R3HDM2: variants seen among roughly 807,000 people sequenced by gnomAD.
R3HDM2 encodes R3H domain-containing protein 2.
R3HDM2 carries 38 observed loss-of-function variants against 124.5 expected under a neutral mutation model. That is an observed-to-expected ratio of 0.31 (90% CI 0.24 to 0.40). R3HDM2 has a LOEUF of 0.40. R3HDM2 is among the 10% of genes least tolerant of loss of function. R3HDM2 has a pLI of 1.00. For synonymous variants in R3HDM2, 391 were observed against 448.0 expected (o/e 0.87, Z 1.61); for missense variants, 869 against 1,236.9 (o/e 0.70, Z 4.46).
intron 14 of R3HDM2, among the ~76,000 whole-genome samples, chr12:57,277,947 G>A (rs1053223847): frequency 1.3e-5 from 2 of 152,034 alleles, no homozygotes; most frequent in East Asian, 3.8e-4. Flanking sequence ...AAGAAAGAAA[G>A]AAAATGGCAG....
At chr12:57,390,680 G>A (rs2066531358) in intron 2 of R3HDM2, among the ~76,000 whole-genome samples, 1 of 151,862 alleles carries the variant, frequency 6.6e-6, no homozygotes, top group Admixed American at 6.6e-5. Context: ...CTTGATGACA[G>A]AGTGAAATCC....
intron 13 of R3HDM2, among the ~76,000 whole-genome samples, chr12:57,283,545 C>T (rs1397239372): frequency 3.3e-5 from 5 of 152,096 alleles, no homozygotes; most frequent in East Asian, 1.9e-4. Context: ...TTGAGACCAG[C>T]CTGACCAACA....
In R3HDM2 at chr12:57,254,455, C is replaced by A. The variant is rs932708301; in HGVS notation, c.*318G>T. On this transcript the variant is annotated 3_prime_UTR_variant, in exon 24 of 24. Transcript: ENST00000402412. Reference sequence around the variant, plus strand: ...GCTGGAGGTTGCAGTTAGCCAAGATCGTGCTACTGCACTCCAGCTGGGGTG... The same window carrying A: ...GCTGGAGGTTGCAGTTAGCCAAGATAGTGCTACTGCACTCCAGCTGGGGTG... 2 of 310,294 alleles carry A rather than the reference C, an allele frequency of 6.4e-6. No homozygotes were observed. Among genetic ancestry groups the A allele is most frequent in the African/African-American group, 5.1e-5 (2 of 39,550 alleles). The allele number at this position is 310,294 out of a possible 1,614,324, so 19.2% of individuals were successfully genotyped here.
chr12:57,266,907 C>A, intron 18 of R3HDM2, 76 bp from the exon 19 acceptor site: 1 of 1,078,554 alleles, frequency 9.3e-7, no homozygotes, highest in Non-Finnish European at 1.3e-6. Context: ...GCTGCTGCTT[C>A]CTGGTCCTCC....
At chr12:57,348,706 A>AAAAAAAAAAAAAAG (rs2060312712) in intron 2 of R3HDM2, among the ~76,000 whole-genome samples, 1 of 45,450 alleles carries the variant, frequency 2.2e-5, no homozygotes. Context: ...AAAAAAAAAA[A>AAAAAAAAAAAAAAG]AAAAAAAAAA....
At chr12:57,368,227 T>C (rs2062885662) in intron 2 of R3HDM2, among the ~76,000 whole-genome samples, 1 of 152,102 alleles carries the variant, frequency 6.6e-6, no homozygotes, top group African/African-American at 2.4e-5. Context: ...AATGTGTATA[T>C]ATATATATTT....
At chr12:57,418,297 A>T (rs552315974) in intron 1 of R3HDM2, 525 of 985,246 alleles carry the variant, frequency 5.3e-4, no homozygotes, top group Non-Finnish European at 5.9e-4. Flanking sequence ...CCTCTCCTCT[A>T]TTCTCATTAC....
chr12:57,370,121 C>T (rs1055545662), intron 2 of R3HDM2, among the ~76,000 whole-genome samples: 40 of 152,162 alleles, frequency 2.6e-4, no homozygotes, highest in African/African-American at 9.7e-4. Flanking sequence ...ATAATCCCCA[C>T]ATGTGTGAGG....
At chr12:57,335,195 T>G (rs12812140) in intron 2 of R3HDM2, among the ~76,000 whole-genome samples, 66,973 of 151,258 alleles carry the variant, frequency 0.44, 15,731 homozygotes, top group Middle Eastern at 0.8. Context: ...ACTGCTGATC[T>G]GTGTCAATCT....
chr12:57,269,360 T>A lies in R3HDM2; in HGVS notation c.1677A>T (p.Gln559His). 4 of 1,614,166 alleles carry A rather than the reference T, an allele frequency of 2.5e-6. No individual in the cohort carries two copies. The highest frequency in any genetic ancestry group is 3.4e-6 in the Non-Finnish European group (4 of 1,180,026). ...ATGGCTGAGGCAGCTGCTGACCACG[T>A]TGGGGGCTATAGGCCACCGGGTGAG... ...PLSHPVAYSP[Q>H]RGQQLPQPSQ... Residue 559 changes from glutamine (Q) to histidine (H), a missense_variant, in exon 16 of 24, where the codon CAA becomes CAT. Gln to His is a conservative substitution (Grantham distance 24). Transcript: ENST00000402412.
intron 2 of R3HDM2, among the ~76,000 whole-genome samples, chr12:57,377,901 A>G (rs2064306879): frequency 6.6e-6 from 1 of 152,198 alleles, no homozygotes; most frequent in South Asian, 2.1e-4. Flanking sequence ...CAGCCTGACC[A>G]ACGTGGTAAA....
intron 2 of R3HDM2, among the ~76,000 whole-genome samples, chr12:57,350,460 T>A (rs2060566768): frequency 6.6e-6 from 1 of 152,026 alleles, no homozygotes; most frequent in African/African-American, 2.4e-5. Context: ...TTCTCCCATA[T>A]CTGGATGGCA....
chr12:57,257,926 T>C (rs1186879064), intron 21 of R3HDM2, 64 bp downstream of exon 21: 5 of 1,384,210 alleles, frequency 3.6e-6, no homozygotes, highest in Non-Finnish European at 4.8e-6. Flanking sequence ...TTTCAATCTC[T>C]GCAATTGGGA....
In R3HDM2 at chr12:57,344,006, A is replaced by C. The variant is rs565103587; in HGVS notation, c.-35-33543T>G. Reference sequence around the variant, plus strand: ...CTTGAGAAATTTCTAACATAAAAAGAATTTGCAAAACCAGCACAACAATCA... The same window carrying C: ...CTTGAGAAATTTCTAACATAAAAAGCATTTGCAAAACCAGCACAACAATCA... On this transcript the variant is annotated intron_variant, in intron 2 of 23. Transcript: ENST00000402412. Among the ~76,000 whole-genome samples the C allele has an allele frequency of 2.6e-5, 4 of 152,306 alleles. No individual in the cohort carries two copies. In the South Asian group the frequency reaches 6.2e-4, roughly 24 times the overall value.
chr12:57,422,029 G>A (rs1211671857), intron 1 of R3HDM2, among the ~76,000 whole-genome samples: 2 of 148,712 alleles, frequency 1.3e-5, no homozygotes, highest in Admixed American at 1.4e-4. Flanking sequence ...GGAGGCAGAG[G>A]TTGCAGTGAG....
chr12:57,364,356 G>T (rs1228867159), intron 2 of R3HDM2, among the ~76,000 whole-genome samples: 1 of 151,840 alleles, frequency 6.6e-6, no homozygotes, highest in African/African-American at 2.4e-5. Flanking sequence ...CACCACATTG[G>T]CCAGGCTGGT....
In R3HDM2 at chr12:57,299,346, C is replaced by G; in HGVS notation, c.421+6G>C. ...GAACAGATGAGAGATGGGAAAAACT[C>G]CTTACCTCTGGACAGCATCTTCCTT... On this transcript the variant is annotated splice_donor_region_variant and intron_variant, in intron 6 of 23. Transcript: ENST00000402412. The G allele has an allele frequency of 6.5e-7, 1 of 1,548,310 alleles. No individual in the cohort carries two copies. Among genetic ancestry groups the G allele is most frequent in the Middle Eastern group, 1.7e-4 (1 of 5,998 alleles).
intron 11 of R3HDM2, among the ~76,000 whole-genome samples, chr12:57,290,405 AATTCAAATAC>A (rs1229794506): frequency 6.6e-6 from 1 of 152,214 alleles, no homozygotes; most frequent in Admixed American, 6.5e-5. Context: ...AGCCAGGCTG[AATTCAAATAC>A]TTAGCTCTTT....
rs746786668 is a variant in R3HDM2, at chr12:57,254,826, T to C, written c.2920A>G (p.Met974Val). Residue 974 changes from methionine (M) to valine (V), a missense_variant, in exon 24 of 24, where the codon ATG (methionine) becomes GTG (valine). Transcript: ENST00000402412. ...NNSVSRFKLRMAKKNYDLRIL... is the reference protein window; with the variant it reads ...NNSVSRFKLRVAKKNYDLRIL... ...CTCAGGTCATAGTTCTTTTTGGCCA[T>C]TCGAAGTTTGAAGCGACTCACGGAG... 29 of 1,610,170 alleles carry C rather than the reference T, an allele frequency of 1.8e-5. No homozygotes were observed. In the South Asian group the frequency reaches 2.8e-4, roughly 15 times the overall value.
Sources: allele counts gnomAD v4.1 joint callset (sites outside exome capture counted in the v4.1 genomes callset), GRCh38; gene constraint gnomAD v4.1.1; transcripts MANE v1.5; gene names NCBI Gene and HGNC (gene_info 2026-07-23, HGNC 2026-07-21).